PEX5: variants seen among roughly 807,000 people sequenced by gnomAD.
PEX5 encodes peroxisomal biogenesis factor 5.
A neutral mutation model predicts 82.9 loss-of-function variants in PEX5; 52 were observed. The observed-to-expected ratio is 0.63, with a 90% CI of 0.50 to 0.79. The LOEUF is 0.79. PEX5 is among the 30% of genes least tolerant of loss of function. PEX5 has a pLI of 0.00. For synonymous variants in PEX5, 300 were observed against 318.8 expected, an observed-to-expected ratio of 0.94 and a Z score of 0.63; for missense variants, 719 against 815.2, an observed-to-expected ratio of 0.88 and a Z score of 1.44.
intron 6 of PEX5, 35 bp downstream of exon 6, chr12:7,199,148 A>G (rs1223779196): frequency 1.7e-6 from 2 of 1,195,838 alleles, no homozygotes; most frequent in Non-Finnish European, 2.4e-6. Context: ...ATCCCGTGAA[A>G]GGAGTATGGA....
chr12:7,190,715 C>A (rs1940919561), intron 2 of PEX5, 173 bp from the exon 3 acceptor site: 9 of 1,379,724 alleles, frequency 6.5e-6, no homozygotes, highest in South Asian at 5.9e-5. Context: ...TGTTGCAAAT[C>A]ATAGTAGTTA....
chr12:7,199,412 G>A (rs1024019340), intron 6 of PEX5, among the ~76,000 whole-genome samples: 1 of 147,710 alleles, frequency 6.8e-6, no homozygotes, highest in South Asian at 2.2e-4. Flanking sequence ...GACTCTTAAA[G>A]AGCATGCTGC....
intron 13 of PEX5, 100 bp downstream of exon 13, chr12:7,208,769 G>A: frequency 1.9e-6 from 2 of 1,062,118 alleles, no homozygotes; most frequent in South Asian, 1.3e-5. Context: ...GAGACTGAAG[G>A]GTCCTGAGAA....
At chr12:7,195,388 G>A (rs1244904800) in intron 5 of PEX5, among the ~76,000 whole-genome samples, 1 of 152,110 alleles carries the variant, frequency 6.6e-6, no homozygotes, top group African/African-American at 2.4e-5. Flanking sequence ...TGAAGGCAGT[G>A]TGTTACTCTT....
chr12:7,203,152 CTG>C (rs991935075), intron 9 of PEX5, among the ~76,000 whole-genome samples: 2 of 71,224 alleles, frequency 2.8e-5, no homozygotes, highest in African/African-American at 8.3e-5. Context: ...GAGTGAAACT[CTG>C]TCTCAAACAA....
At chr12:7,204,575 A>G (rs888375603) in intron 10 of PEX5, among the ~76,000 whole-genome samples, 3 of 152,236 alleles carry the variant, frequency 2.0e-5, no homozygotes, top group Admixed American at 6.5e-5. Context: ...TCACTAGACT[A>G]TGAGTTCATT....
chr12:7,207,666 A>C lies in PEX5; in HGVS notation c.974A>C (p.Gln325Pro). 2 of 1,614,020 alleles carry C rather than the reference A, an allele frequency of 1.2e-6. No homozygotes were observed. The highest frequency in any genetic ancestry group is 8.5e-7 in the Non-Finnish European group (1 of 1,179,976). ...CACGTGCTTTTCTTGTAGGGGTACCAGTTTGAGGAGGAGAACCCCTTGCGT... is the reference window on the plus strand; with the variant it reads ...CACGTGCTTTTCTTGTAGGGGTACCCGTTTGAGGAGGAGAACCCCTTGCGT... ...LTSATYDKGY[Q>P]FEEENPLRDH... Residue 325 changes from glutamine to proline, a missense_variant, in exon 11 of 16, where the codon CAG (glutamine) becomes CCG (proline). Gln to Pro is a moderately conservative substitution (Grantham distance 76). Coordinates refer to ENST00000675855, the MANE Select transcript of PEX5 (RefSeq NM_001351132.2).
chr12:7,197,504 T>G (rs1368197436), intron 5 of PEX5, among the ~76,000 whole-genome samples: 2 of 136,588 alleles, frequency 1.5e-5, no homozygotes, highest in Non-Finnish European at 3.1e-5. Context: ...ATATGTTATA[T>G]ATAATGTAAT....
rs1241420703 is a variant in PEX5 at position 7,210,252 on chromosome 12, C to T, written c.*29C>T. 2 of 1,600,452 alleles carry T rather than the reference C, an allele frequency of 1.2e-6. No homozygotes were observed. The highest frequency in any genetic ancestry group is 2.2e-5 in the South Asian group (2 of 90,808). On this transcript the variant is annotated 3_prime_UTR_variant, in exon 16 of 16. Coordinates refer to ENST00000675855, the MANE Select transcript of PEX5 (RefSeq NM_001351132.2). ...TGGGACGGGCTGCCCTGTGAGTGTCCACCTGGAGGGATCCCCGCTTTGGAT... is the reference window on the plus strand; with the variant it reads ...TGGGACGGGCTGCCCTGTGAGTGTCTACCTGGAGGGATCCCCGCTTTGGAT...
intron 6 of PEX5, among the ~76,000 whole-genome samples, chr12:7,201,322 CAT>C (rs1943989061): frequency 7.8e-5 from 2 of 25,722 alleles, no homozygotes; most frequent in Non-Finnish European, 2.3e-4. Context: ...CATGTATATA[CAT>C]ACACACATAC....
In PEX5 at chr12:7,209,724, T is replaced by C. The variant is rs267608196; in HGVS notation, c.1602T>C (p.Asn534=). ...LWNKLGATLA[N]GNQSEEAVAA... is the part of the protein sequence containing the mutation. ...ATAAGCTAGGCGCCACCCTGGCCAA[T>C]GGAAACCAGAGTGAAGAAGCAGTAG... Residue 534 remains asparagine, a synonymous_variant, in exon 15 of 16, where the codon AAT becomes AAC. Transcript: ENST00000675855. The C allele has an allele frequency of 6.2e-7, 1 of 1,613,630 alleles. No individual in the cohort carries two copies. Among genetic ancestry groups the C allele is most frequent in the Non-Finnish European group, 8.5e-7 (1 of 1,179,896 alleles).
intron 10 of PEX5, among the ~76,000 whole-genome samples, chr12:7,204,823 T>G (rs1024043338): frequency 6.2e-5 from 9 of 146,140 alleles, no homozygotes; most frequent in Non-Finnish European, 1.3e-4. Flanking sequence ...CCAGAATACA[T>G]TTTTTTTTTT....
intron 13 of PEX5, 27 bp from the exon 14 acceptor site, chr12:7,208,978 C>A (rs768208427): frequency 6.2e-7 from 1 of 1,607,746 alleles, no homozygotes; most frequent in South Asian, 1.1e-5. Flanking sequence ...CATCTACCTA[C>A]TTTGTGTTTT....
In PEX5 at chr12:7,203,453, AAGTTGCAGGCAG is replaced by A. The variant is rs779697720; in HGVS notation, c.874_885del (p.Gln292_Leu295del). 1 of 1,613,824 alleles carries A rather than the reference AAGTTGCAGGCAG, an allele frequency of 6.2e-7. No homozygotes were observed. Among genetic ancestry groups the A allele is most frequent in the South Asian group, 1.1e-5 (1 of 90,998 alleles). ...ACAGTCTGATGTCGATTTCTGGGACAAGTTGCAGGCAGAGTTGGAGGAGATGGCAAAACGGGA... is the reference window on the plus strand; with the variant it reads ...ACAGTCTGATGTCGATTTCTGGGACAAGTTGGAGGAGATGGCAAAACGGGA... On this transcript the variant is annotated inframe_deletion, in exon 10 of 16. Transcript: ENST00000675855.
chr12:7,218,390 G>C (rs970022280), intron 17 of PEX5: 7 of 152,178 alleles, frequency 4.6e-5, no homozygotes, highest in South Asian at 4.1e-4. Flanking sequence ...TTACCCATTT[G>C]TTTTTCTTTA....
rs1305661870 is a variant in PEX5 at position 7,201,399 on chromosome 12, A to G, written c.552-352A>G. ...GTTTTCAGACTTTTAAAATATATGT[A>G]TATAGGTAAATATATATATATTTTT... On this transcript the variant is annotated intron_variant, in intron 6 of 15. Coordinates refer to ENST00000675855, the MANE Select transcript of PEX5 (RefSeq NM_001351132.2). Among the ~76,000 whole-genome samples, 4 of 152,272 alleles carry G rather than the reference A, an allele frequency of 2.6e-5. 1 individual carries two copies. The South Asian group carries it at 8.3e-4, about 32-fold the overall frequency.
intron 5 of PEX5, among the ~76,000 whole-genome samples, chr12:7,197,875 C>T (rs1362497026): frequency 3.3e-5 from 5 of 152,118 alleles, no homozygotes; most frequent in Non-Finnish European, 7.3e-5. Flanking sequence ...TGGAGTTCCC[C>T]CTTGGGAACT....
At chr12:7,189,856 C>T (rs1940620547) in intron 1 of PEX5, 106 bp downstream of exon 1, 6 of 1,287,254 alleles carry the variant, frequency 4.7e-6, no homozygotes, top group Non-Finnish European at 6.0e-6. Flanking sequence ...GCAGCAGGGC[C>T]GGGGAGATGG....
Position 7,203,449 on chromosome 12 carries a change from G to T in PEX5, c.864G>T (p.Trp288Cys). The T allele has an allele frequency of 6.2e-7, 1 of 1,613,740 alleles. No individual in the cohort carries two copies. The highest frequency in any genetic ancestry group is 1.7e-4 in the Middle Eastern group (1 of 6,056). Reference protein sequence around the residue: ...KSAIESDVDFWDKLQAELEEM... With the variant: ...KSAIESDVDFCDKLQAELEEM... The stretch of plus-strand genomic sequence containing the variant: ...CCTTACAGTCTGATGTCGATTTCTG[G>T]GACAAGTTGCAGGCAGAGTTGGAGG... Residue 288 changes from tryptophan (W) to cysteine (C), a missense_variant, in exon 10 of 16, where the codon TGG becomes TGT. Coordinates refer to ENST00000675855, the MANE Select transcript of PEX5 (RefSeq NM_001351132.2).
Sources: gnomAD v4.1 joint callset for allele counts (sites outside exome capture counted in the v4.1 genomes callset) on GRCh38, gnomAD v4.1.1 for gene constraint, MANE v1.5 for transcripts, NCBI Gene and HGNC (gene_info 2026-07-23, HGNC 2026-07-21) for gene names.